LGR6: variants seen among roughly 807,000 people sequenced by gnomAD.
LGR6 encodes leucine-rich repeat-containing G protein-coupled receptor 6.
In LGR6, 45 loss-of-function variants were observed where a neutral mutation model predicts 69.4. The observed-to-expected ratio is 0.65, with a 90% confidence interval of 0.51 to 0.83. The LOEUF is 0.83. LGR6 is among the 40% of genes least tolerant of loss of function. The pLI is 0.00. For synonymous variants in LGR6, 538 were observed against 555.0 expected (o/e 0.97, Z 0.43); for missense variants, 1,108 against 1,246.7 (o/e 0.89, Z 1.68).
At chr1:202,232,249 A>G (rs1661146578) in intron 3 of LGR6, among the ~76,000 whole-genome samples, 1 of 152,138 alleles carries the variant, frequency 6.6e-6, no homozygotes, top group Non-Finnish European at 1.5e-5. Context: ...CTACAGAACT[A>G]AAGGAGCCTT....
Position 202,237,007 on chromosome 1 carries a change from TG to T in LGR6, c.428+1019del, listed in dbSNP as rs543909886. On this transcript the variant is annotated intron_variant, in intron 4 of 17. Transcript: ENST00000367278. ...TCCACCTTACACAGAGGGCCAGCTG[TG>T]GGGGTCCTGGCTAGCAGCTGTGCCA... Among the ~76,000 whole-genome samples, 487 of 152,224 alleles carry T rather than the reference TG, an allele frequency of 3.2e-3. 2 individuals carry two copies. Among genetic ancestry groups the T allele is most frequent in the Non-Finnish European group, 5.6e-3 (380 of 67,996 alleles).
intron 4 of LGR6, among the ~76,000 whole-genome samples, chr1:202,242,092 G>A (rs751890656): frequency 1.6e-4 from 24 of 152,300 alleles, no homozygotes; most frequent in Admixed American, 3.3e-4. Context: ...CTCAGGTGAC[G>A]TGGGAAGGAG....
chr1:202,304,684 C>A, intron 11 of LGR6, 54 bp downstream of exon 11: 1 of 1,394,288 alleles, frequency 7.2e-7, no homozygotes, highest in Non-Finnish European at 1.0e-6. Context: ...ACCCCCATGT[C>A]CCACAAAAGG....
At chr1:202,213,995 G>C (rs1031289808) in intron 1 of LGR6, 18 of 963,062 alleles carry the variant, frequency 1.9e-5, no homozygotes, top group Admixed American at 1.8e-4. Flanking sequence ...CTATAGCTCT[G>C]ATGAACCAAA....
intron 15 of LGR6, among the ~76,000 whole-genome samples, chr1:202,309,467 C>T (rs1448500392): frequency 1.3e-5 from 2 of 152,272 alleles, no homozygotes; most frequent in Non-Finnish European, 2.9e-5. Flanking sequence ...CCTAGCCCTC[C>T]TTGCACCCCA....
intron 1 of LGR6, among the ~76,000 whole-genome samples, chr1:202,199,580 C>T (rs966963526): frequency 4.7e-5 from 7 of 149,386 alleles, no homozygotes; most frequent in African/African-American, 9.9e-5. Context: ...CCCCACTCCA[C>T]CCCGCCTTCC....
intron 4 of LGR6, among the ~76,000 whole-genome samples, chr1:202,263,247 T>A (rs567617258): frequency 2.6e-5 from 4 of 152,138 alleles, no homozygotes; most frequent in African/African-American, 9.6e-5. Flanking sequence ...CTCAGCCTGC[T>A]GAGTAGCTGG....
intron 3 of LGR6, among the ~76,000 whole-genome samples, chr1:202,233,866 A>T (rs556815738): frequency 9.2e-5 from 14 of 152,212 alleles, no homozygotes; most frequent in Non-Finnish European, 1.8e-4. Context: ...CTTATAGATA[A>T]GAAAAGAGAA....
chr1:202,205,030 T>TAACACACACCTCCCTCAAACACACACA (rs1659080354), intron 1 of LGR6, among the ~76,000 whole-genome samples: 1 of 12,108 alleles, frequency 8.3e-5, no homozygotes, highest in South Asian at 3.1e-3. Flanking sequence ...CTCACACACC[T>TAACACACACCTCCCTCAAACACACACA]CCTTCAAACA....
chr1:202,202,168 T>C (rs1213596722), intron 1 of LGR6, among the ~76,000 whole-genome samples: 1 of 152,090 alleles, frequency 6.6e-6, no homozygotes, highest in African/African-American at 2.4e-5. Context: ...GAGCCCAGGT[T>C]AGAATGAGGA....
intron 14 of LGR6, 73 bp from the exon 15 acceptor site, chr1:202,308,978 A>G: frequency 6.4e-7 from 1 of 1,572,770 alleles, no homozygotes; most frequent in Non-Finnish European, 8.7e-7. Flanking sequence ...CACACTGGCC[A>G]CATTCTCAGC....
intron 1 of LGR6, among the ~76,000 whole-genome samples, chr1:202,205,460 C>CACACACCTCCTT (rs1659161053): frequency 8.8e-4 from 24 of 27,184 alleles, no homozygotes; most frequent in East Asian, 3.7e-3. Flanking sequence ...ACACACACCT[C>CACACACCTCCTT]CAAACACACA....
At chr1:202,309,654 GCCTT>G (rs1653555351) in intron 15 of LGR6, among the ~76,000 whole-genome samples, 1 of 152,242 alleles carries the variant, frequency 6.6e-6, no homozygotes. Context: ...CATGGCCCAA[GCCTT>G]GTCTGCTGCA....
In LGR6 at chr1:202,301,181, C is replaced by T; in HGVS notation, c.875C>T (p.Pro292Leu). The T allele has an allele frequency of 6.2e-7, 1 of 1,614,206 alleles. No homozygotes were observed. The highest frequency in any genetic ancestry group is 8.5e-7 in the Non-Finnish European group (1 of 1,180,032). The change falls in exon 9 of 18, where the codon CCA becomes CTA. Residue 292 changes from proline to leucine, a missense_variant. By Grantham distance (98) the Pro-to-Leu change is moderately conservative. Transcript: ENST00000367278. Reference protein sequence around the residue: ...LLQTIHFYDNPIQFVGRSAFQ... With the variant: ...LLQTIHFYDNLIQFVGRSAFQ... ...TCTTCCAGACACTTTTATGATAACC[C>T]AATCCAGTTTGTGGGAAGATCGGCA...
At chr1:202,248,342 G>T (rs1209929087) in intron 4 of LGR6, among the ~76,000 whole-genome samples, 3 of 152,218 alleles carry the variant, frequency 2.0e-5, no homozygotes, top group African/African-American at 7.2e-5. Flanking sequence ...CCCAGACCAG[G>T]CCTGCAGATG....
chr1:202,217,893 CTTA>C (rs1323232684), intron 1 of LGR6, among the ~76,000 whole-genome samples: 2 of 152,202 alleles, frequency 1.3e-5, no homozygotes, highest in Non-Finnish European at 2.9e-5. Flanking sequence ...AGGTTGTGCT[CTTA>C]TGTGTGTGTG....
intron 5 of LGR6, 68 bp downstream of exon 5, chr1:202,276,589 G>C: frequency 7.6e-7 from 1 of 1,307,898 alleles, no homozygotes; most frequent in Non-Finnish European, 1.1e-6. Flanking sequence ...ATGTTTACTT[G>C]AGTTGGATTG....
At chr1:202,207,703 A>G (rs1212139781) in intron 1 of LGR6, among the ~76,000 whole-genome samples, 2 of 152,152 alleles carry the variant, frequency 1.3e-5, no homozygotes. Context: ...TTGGGGAAAG[A>G]TTTACCCTCT....
intron 5 of LGR6, among the ~76,000 whole-genome samples, chr1:202,277,301 A>T (rs1158096881): frequency 1.3e-5 from 2 of 152,120 alleles, no homozygotes; most frequent in Non-Finnish European, 2.9e-5. Flanking sequence ...CAGGGAATGG[A>T]TGATACCTAG....
Sources: allele counts gnomAD v4.1 joint callset (sites outside exome capture counted in the v4.1 genomes callset), GRCh38; gene constraint gnomAD v4.1.1; transcripts MANE v1.5; gene names NCBI Gene and HGNC (gene_info 2026-07-23, HGNC 2026-07-21).